Variants in MAML2 observed in about 807,000 individuals in gnomAD.
MAML2 encodes the protein mastermind like transcriptional coactivator 2, also known as mastermind-like protein 2.
A neutral mutation model predicts 96.1 loss-of-function variants in MAML2; 22 were observed. That is an observed-to-expected ratio of 0.23 (90% CI 0.16 to 0.33). MAML2 has a LOEUF of 0.33. Among genes scored for constraint, MAML2 ranks in the 10% least tolerant of loss-of-function variants. MAML2 has a pLI of 1.00. For synonymous variants in MAML2, 561 were observed against 521.3 expected (o/e 1.08, Z -1.04); for missense variants, 1,367 against 1,392.4 (o/e 0.98, Z 0.29).
chr11:96,111,928 C>G (rs4753189), intron 1 of MAML2, among the ~76,000 whole-genome samples: 138,674 of 151,946 alleles, frequency 0.91, 63,379 homozygotes, highest in East Asian at 1. Context: ...TGTGTCCATT[C>G]ACAAGGTTAG....
intron 1 of MAML2, among the ~76,000 whole-genome samples, chr11:96,117,137 T>C (rs1375180421): frequency 6.6e-6 from 1 of 152,048 alleles, no homozygotes; most frequent in Non-Finnish European, 1.5e-5. Flanking sequence ...GAAGTGAATC[T>C]ACAGCAAATG....
In MAML2 at chr11:96,218,856, G is replaced by A. The variant is rs555573583; in HGVS notation, c.513+122527C>T. Among the ~76,000 whole-genome samples, 8 of 152,294 alleles carry A rather than the reference G, an allele frequency of 5.3e-5. No homozygotes were observed. The East Asian group carries it at 1.5e-3, about 29-fold the overall frequency. On this transcript the variant is annotated intron_variant, in intron 1 of 4. Transcript: ENST00000524717. ...TATTTGAAACATACTTGTACTGAAA[G>A]ATAATTCATTGTTTATCTGAAATTC...
intron 2 of MAML2, among the ~76,000 whole-genome samples, chr11:96,061,985 C>T (rs1565202907): frequency 6.6e-6 from 1 of 152,052 alleles, no homozygotes; most frequent in Non-Finnish European, 1.5e-5. Flanking sequence ...AACTATCATA[C>T]TATGAGAGAC....
chr11:95,980,853 C>A (rs903770389), intron 4 of MAML2, among the ~76,000 whole-genome samples: 1 of 152,174 alleles, frequency 6.6e-6, no homozygotes, highest in Non-Finnish European at 1.5e-5. Flanking sequence ...TTGACAGAGA[C>A]CCAGGAGGCA....
At chr11:96,254,391 CTT>C (rs201328694) in intron 1 of MAML2, among the ~76,000 whole-genome samples, 13,346 of 135,860 alleles carry the variant, frequency 0.098, 812 homozygotes, top group East Asian at 0.21. Flanking sequence ...TGTTGCAGCT[CTT>C]TTTTTTTTTT....
chr11:96,333,209 A>C (rs1266635954), intron 1 of MAML2, among the ~76,000 whole-genome samples: 2 of 152,336 alleles, frequency 1.3e-5, no homozygotes, highest in Admixed American at 1.3e-4. Context: ...ATTCCATGTT[A>C]ATGTATGAAT....
intron 1 of MAML2, among the ~76,000 whole-genome samples, chr11:96,209,874 G>T (rs1861945357): frequency 6.6e-6 from 1 of 152,126 alleles, no homozygotes; most frequent in African/African-American, 2.4e-5. Flanking sequence ...CTCCCACTAT[G>T]CATGGAATAG....
intron 2 of MAML2, among the ~76,000 whole-genome samples, chr11:96,061,738 A>G (rs1859162758): frequency 6.6e-6 from 1 of 152,156 alleles, no homozygotes; most frequent in Admixed American, 6.5e-5. Flanking sequence ...TTCCATTTCA[A>G]ACAAAACTTT....
chr11:95,991,862 G>C (rs183991570), intron 2 of MAML2, 139 bp from the exon 3 acceptor site: 2 of 677,732 alleles, frequency 3.0e-6, no homozygotes, highest in African/African-American at 3.6e-5. Flanking sequence ...GGAGATCAGA[G>C]AATCGCTTTT....
chr11:96,171,291 G>C (rs1565236750), intron 1 of MAML2, among the ~76,000 whole-genome samples: 1 of 152,112 alleles, frequency 6.6e-6, no homozygotes, highest in South Asian at 2.1e-4. Context: ...TCACCTTATT[G>C]CATATGTGTT....
intron 1 of MAML2, among the ~76,000 whole-genome samples, chr11:96,172,278 T>G (rs1044932382): frequency 2.9e-4 from 44 of 152,340 alleles, no homozygotes; most frequent in African/African-American, 9.4e-4. Flanking sequence ...CAAGGTAGCT[T>G]ATGGCTCATC....
intron 1 of MAML2, among the ~76,000 whole-genome samples, chr11:96,327,515 C>T (rs1863801301): frequency 6.6e-6 from 1 of 152,038 alleles, no homozygotes; most frequent in Non-Finnish European, 1.5e-5. Flanking sequence ...GCAACCTCTG[C>T]CTCATGGACT....
At chr11:96,282,744 T>C (rs1477855068) in intron 1 of MAML2, among the ~76,000 whole-genome samples, 1 of 152,240 alleles carries the variant, frequency 6.6e-6, no homozygotes, top group Admixed American at 6.5e-5. Context: ...AATACAAGTT[T>C]AAATGACCTC....
chr11:96,161,722 G>T (rs1187866447), intron 1 of MAML2, among the ~76,000 whole-genome samples: 1 of 152,126 alleles, frequency 6.6e-6, no homozygotes, highest in Non-Finnish European at 1.5e-5. Flanking sequence ...TATAGAGTTC[G>T]TATGCGACTC....
chr11:96,240,483 A>G (rs145435945), intron 1 of MAML2, among the ~76,000 whole-genome samples: 12,485 of 138,116 alleles, frequency 0.09, 626 homozygotes, highest in African/African-American at 0.15. Flanking sequence ...CCCGGGAGGC[A>G]GAGCTTGCAG....
chr11:95,979,251 T>G lies in MAML2; in HGVS notation c.3168A>C (p.Thr1056=), dbSNP rs754699588. ...GLNLRPNQLS[T]QILPNLNQSG... Reference sequence around the variant, plus strand: ...ACTGATTCAAATTAGGCAAAATCTGTGTGCTTAGCTGATTGGGTCTGAGAT... The same window carrying G: ...ACTGATTCAAATTAGGCAAAATCTGGGTGCTTAGCTGATTGGGTCTGAGAT... The change falls in exon 5 of 5, where the codon ACA becomes ACC. Residue 1056 remains threonine (T), a synonymous_variant. Transcript: ENST00000524717. 2.5e-6 allele frequency: 4 copies of G among 1,613,888 alleles called. No individual in the cohort carries two copies. In the East Asian group the frequency reaches 6.7e-5, roughly 27 times the overall value.
intron 2 of MAML2, among the ~76,000 whole-genome samples, chr11:96,012,354 T>C (rs553847517): frequency 6.6e-6 from 1 of 152,346 alleles, no homozygotes; most frequent in Admixed American, 6.5e-5. Context: ...GAACAAAGGT[T>C]GACAGTGATT....
intron 2 of MAML2, among the ~76,000 whole-genome samples, chr11:96,003,556 T>C (rs1300353244): frequency 1.3e-5 from 2 of 152,090 alleles, no homozygotes; most frequent in African/African-American, 4.8e-5. Context: ...TTTCAGTGAG[T>C]AGACAGCACT....
chr11:96,275,269 A>ATTTTT (rs56407815), intron 1 of MAML2, among the ~76,000 whole-genome samples: 8 of 111,740 alleles, frequency 7.2e-5, no homozygotes, highest in Non-Finnish European at 1.0e-4. Flanking sequence ...ACACTAAGGA[A>ATTTTT]TTTTTTTTTT....
Sources: gnomAD v4.1 joint callset for allele counts (sites outside exome capture counted in the v4.1 genomes callset) on GRCh38, gnomAD v4.1.1 for gene constraint, MANE v1.5 for transcripts, NCBI Gene and HGNC (gene_info 2026-07-23, HGNC 2026-07-21) for gene names.